MYO7B: variants seen among roughly 807,000 people sequenced by gnomAD.
The protein encoded by MYO7B is unconventional myosin-VIIb.
MYO7B carries 212 observed loss-of-function variants against 259.7 expected under a neutral mutation model. That is an observed-to-expected ratio of 0.82 (90% confidence interval 0.73 to 0.91). The LOEUF is 0.91. Among genes scored for constraint, MYO7B ranks in the 40% least tolerant of loss-of-function variants. The pLI is 0.00. For missense variants in MYO7B, 2,732 were observed against 2,813.5 expected (o/e 0.97, Z 0.66); for synonymous variants, 1,197 against 1,166.4 (o/e 1.03, Z -0.54).
chr2:127,583,902 T>C (rs965799344), intron 12 of MYO7B, among the ~76,000 whole-genome samples: 29 of 152,208 alleles, frequency 1.9e-4, no homozygotes, highest in Non-Finnish European at 3.8e-4. Flanking sequence ...TTTCTTTGTC[T>C]TTTTGACGTG....
At chr2:127,565,441 T>A in intron 4 of MYO7B, 56 bp downstream of exon 4, 2 of 1,594,062 alleles carry the variant, frequency 1.3e-6, no homozygotes, top group Non-Finnish European at 1.7e-6. Context: ...GCCAACCTCC[T>A]GGACAGGGAG....
chr2:127,583,975 G>C (rs542639149), intron 12 of MYO7B, 147 bp from the exon 13 acceptor site: 5 of 689,262 alleles, frequency 7.3e-6, no homozygotes, highest in South Asian at 1.8e-5. Flanking sequence ...GAATGAGTGT[G>C]CATCTCTGTG....
rs1318718732 is a variant in MYO7B at position 127,544,244 on chromosome 2, T to TA, written c.-24+8414dup. 5.3e-5 allele frequency among the ~76,000 whole-genome samples: 8 copies of TA among 152,254 alleles called. No individual in the cohort carries two copies. The East Asian group carries it at 1.5e-3, about 29-fold the overall frequency. On this transcript the variant is annotated intron_variant, in intron 1 of 47. Transcript: ENST00000409816. Reference sequence around the variant, plus strand: ...GGTGCTCACCACCATGTCCAACTAATATCTCCTATATTTTTAAATAAAAAT... The same window carrying TA: ...GGTGCTCACCACCATGTCCAACTAATAATCTCCTATATTTTTAAATAAAAAT...
intron 1 of MYO7B, among the ~76,000 whole-genome samples, chr2:127,550,558 CA>C (rs11354503): frequency 0.83 from 116,904 of 141,566 alleles, 48,053 homozygotes; most frequent in East Asian, 0.99. Flanking sequence ...ACTCTGTCTC[CA>C]AAAAAAAAAA....
chr2:127,617,659 C>T (rs371306080), intron 26 of MYO7B, among the ~76,000 whole-genome samples: 2,057 of 149,440 alleles, frequency 0.014, 17 homozygotes, highest in Non-Finnish European at 0.019. Context: ...CCCGCCACCG[C>T]GCCCGGCTAA....
At chr2:127,550,789 A>G (rs934762228) in intron 1 of MYO7B, among the ~76,000 whole-genome samples, 4 of 152,004 alleles carry the variant, frequency 2.6e-5, no homozygotes, top group African/African-American at 9.7e-5. Flanking sequence ...AAGAAAATGC[A>G]TTTTTAAGAT....
At chr2:127,572,329 G>GT (rs1191893521) in intron 6 of MYO7B, among the ~76,000 whole-genome samples, 2 of 149,400 alleles carry the variant, frequency 1.3e-5, no homozygotes, top group African/African-American at 2.5e-5. Flanking sequence ...TGTGGCAGGA[G>GT]AATCGCTTGA....
At chr2:127,570,611 CATA>C (rs1678559224) in intron 6 of MYO7B, among the ~76,000 whole-genome samples, 1 of 152,246 alleles carries the variant, frequency 6.6e-6, no homozygotes, top group African/African-American at 2.4e-5. Context: ...GTTTGCTTTA[CATA>C]TAGTAAATAT....
At chr2:127,556,582 G>A (rs1217798572) in intron 1 of MYO7B, among the ~76,000 whole-genome samples, 1 of 152,150 alleles carries the variant, frequency 6.6e-6, no homozygotes, top group Non-Finnish European at 1.5e-5. Context: ...GTGCTGGCTT[G>A]GTAGTGGCAA....
At chr2:127,603,014 A>AG (rs1680025040) in intron 19 of MYO7B, among the ~76,000 whole-genome samples, 1 of 151,880 alleles carries the variant, frequency 6.6e-6, no homozygotes, top group Non-Finnish European at 1.5e-5. Context: ...AAAAAAAAAA[A>AG]GTAACTCCTA....
intron 47 of MYO7B, 198 bp from the exon 48 acceptor site, chr2:127,637,118 T>C (rs1265860858): frequency 2.0e-6 from 2 of 1,023,502 alleles, no homozygotes; most frequent in South Asian, 2.7e-5. Context: ...CCCTGCGCCC[T>C]TGGCCCATTC....
At chr2:127,608,980 CG>C (rs1297086538) in intron 22 of MYO7B, 102 bp downstream of exon 22, 33 of 1,436,470 alleles carry the variant, frequency 2.3e-5, no homozygotes, top group Middle Eastern at 2.2e-4. Flanking sequence ...GAAGCCAGAG[CG>C]GTGGCCAAGT....
rs189347594 is a variant in MYO7B at position 127,625,567 on chromosome 2, G to A, written c.4215+32G>A. ...CTGCATGCAGCTCAGGCACCCACCCGAGGGCTCTCCTTTGGGAGGTGGGGG... is the reference window on the plus strand; with the variant it reads ...CTGCATGCAGCTCAGGCACCCACCCAAGGGCTCTCCTTTGGGAGGTGGGGG... On this transcript the variant is annotated intron_variant, in intron 31 of 47. Coordinates refer to ENST00000409816, the MANE Select transcript of MYO7B (RefSeq NM_001393586.1). 15 of 1,552,546 alleles carry A rather than the reference G, an allele frequency of 9.7e-6. No individual in the cohort carries two copies. The South Asian group carries it at 1.1e-4, about 11-fold the overall frequency.
At chr2:127,557,602 A>T (rs1558797601) in intron 1 of MYO7B, among the ~76,000 whole-genome samples, 1 of 152,156 alleles carries the variant, frequency 6.6e-6, no homozygotes, top group Non-Finnish European at 1.5e-5. Flanking sequence ...TGTTCCCCTG[A>T]TGTAGTACTC....
intron 36 of MYO7B, 45 bp from the exon 37 acceptor site, chr2:127,631,161 G>A (rs749056343): frequency 6.5e-7 from 1 of 1,537,180 alleles, no homozygotes; most frequent in East Asian, 2.3e-5. Flanking sequence ...GCGTGGGACA[G>A]AGAAGGCCAC....
In MYO7B at chr2:127,577,798, G is replaced by C. The variant is rs916164867; in HGVS notation, c.850-335G>C. Among the ~76,000 whole-genome samples, 4 of 152,220 alleles carry C rather than the reference G, an allele frequency of 2.6e-5. No individual in the cohort carries two copies. Among genetic ancestry groups the C allele is most frequent in the Admixed American group, 2.6e-4 (4 of 15,282 alleles). On this transcript the variant is annotated intron_variant, in intron 8 of 47. Coordinates refer to ENST00000409816, the MANE Select transcript of MYO7B (RefSeq NM_001393586.1). The surrounding 1 kb of genome is among the most constrained non-coding windows in gnomAD (Gnocchi z 5.2). ...TGCGCAGCACAGGGCCTGGCCCATG[G>C]CGAGCCATGGAAAGTGTTTCTTAAA...
intron 35 of MYO7B, 113 bp from the exon 36 acceptor site, chr2:127,630,665 G>A: frequency 1.3e-6 from 2 of 1,488,074 alleles, no homozygotes; most frequent in Non-Finnish European, 1.8e-6. Flanking sequence ...GGCCTGTTCA[G>A]CCCTGGGCCT....
rs754995836 is a variant in MYO7B at position 127,576,573 on chromosome 2, G to A, written c.736-22G>A. ...GGGGAATGGCTCATGAATCTGTCTG[G>A]AATGCCCTCCCTCCCTCCCAGGCTC... is the stretch of plus-strand genomic sequence containing the variant. On this transcript the variant is annotated intron_variant, in intron 7 of 47. Transcript: ENST00000409816. This position sits in a 1 kb window ranked among gnomAD's most constrained non-coding sequence, Gnocchi z 4.9. 1.4e-6 allele frequency: 2 copies of A among 1,468,066 alleles called. No homozygotes were observed. Among genetic ancestry groups the A allele is most frequent in the African/African-American group, 1.4e-5 (1 of 71,766 alleles). The allele number at this position is 1,468,066 out of a possible 1,614,324, so 90.9% of individuals were successfully genotyped here.
chr2:127,587,568 CTTTTT>C (rs61624532), intron 14 of MYO7B, among the ~76,000 whole-genome samples: 2 of 122,426 alleles, frequency 1.6e-5, no homozygotes, highest in African/African-American at 3.0e-5. Context: ...TTCTTTCTTT[CTTTTT>C]TTTTTTTTTT....
Sources: gnomAD v4.1 joint callset for allele counts (sites outside exome capture counted in the v4.1 genomes callset) on GRCh38, gnomAD v4.1.1 for gene constraint, Gnocchi (gnomAD v3.1) non-coding constraint, MANE v1.5 for transcripts, NCBI Gene and HGNC (gene_info 2026-07-23, HGNC 2026-07-21) for gene names.